TNFAIP8: variants seen among roughly 807,000 people sequenced by gnomAD.
The protein encoded by TNFAIP8 is tumor necrosis factor alpha-induced protein 8.
In TNFAIP8, 7 loss-of-function variants were observed where a neutral mutation model predicts 13.3. That is an observed-to-expected ratio of 0.52 (90% CI 0.30 to 0.99). TNFAIP8 has a LOEUF of 0.99. TNFAIP8 is among the 50% of genes least tolerant of loss of function. The pLI is 0.07. For missense variants in TNFAIP8, 258 were observed against 236.9 expected (o/e 1.09, Z -0.58); for synonymous variants, 94 against 87.6 (o/e 1.07, Z -0.41).
intron 1 of TNFAIP8, among the ~76,000 whole-genome samples, chr5:119,278,382 T>A (rs113602006): frequency 0.33 from 32,912 of 98,880 alleles, 4,379 homozygotes; most frequent in Non-Finnish European, 0.36. Flanking sequence ...AGAGAGTGTG[T>A]GTGTGTGTGT....
chr5:119,335,276 G>C (rs1750517141), intron 1 of TNFAIP8, among the ~76,000 whole-genome samples: 1 of 152,148 alleles, frequency 6.6e-6, no homozygotes, highest in Admixed American at 6.5e-5. Flanking sequence ...CTTTTGCCTA[G>C]GAATTTTAAA....
intron 1 of TNFAIP8, among the ~76,000 whole-genome samples, chr5:119,350,155 T>G (rs1751067232): frequency 6.6e-6 from 1 of 152,192 alleles, no homozygotes; most frequent in Non-Finnish European, 1.5e-5. Context: ...GTGCGTTCCA[T>G]ATTCATGGAT....
At chr5:119,370,631 T>C (rs1752039024) in intron 1 of TNFAIP8, among the ~76,000 whole-genome samples, 1 of 152,228 alleles carries the variant, frequency 6.6e-6, no homozygotes, top group Non-Finnish European at 1.5e-5. Flanking sequence ...CTCCTGGGCT[T>C]GGGCCCAGAG....
intron 1 of TNFAIP8, among the ~76,000 whole-genome samples, chr5:119,325,380 T>C (rs1750190917): frequency 6.6e-6 from 1 of 151,974 alleles, no homozygotes; most frequent in Admixed American, 6.5e-5. Context: ...ATGTCCTATA[T>C]GGTCTACATA....
intron 1 of TNFAIP8, among the ~76,000 whole-genome samples, chr5:119,369,279 C>T: frequency 6.6e-6 from 1 of 152,150 alleles, no homozygotes; most frequent in Non-Finnish European, 1.5e-5. Flanking sequence ...GTCTCGAACT[C>T]ATGACCTCAA....
intron 1 of TNFAIP8, among the ~76,000 whole-genome samples, chr5:119,300,484 A>G (rs530418714): frequency 6.6e-6 from 1 of 152,192 alleles, no homozygotes; most frequent in Non-Finnish European, 1.5e-5. Flanking sequence ...ATTTTTTTGC[A>G]TGTCCTTGCA....
chr5:119,301,259 A>G (rs529482168), intron 1 of TNFAIP8, among the ~76,000 whole-genome samples: 7 of 152,110 alleles, frequency 4.6e-5, no homozygotes, highest in South Asian at 2.1e-4. Flanking sequence ...CCTCCCTTCT[A>G]TTGTTCCCCA....
intron 1 of TNFAIP8, among the ~76,000 whole-genome samples, chr5:119,295,549 G>A (rs1749148993): frequency 6.6e-6 from 1 of 152,120 alleles, no homozygotes; most frequent in Non-Finnish European, 1.5e-5. Flanking sequence ...AGTATAGTTT[G>A]AAGTCAGGTA....
intron 1 of TNFAIP8, among the ~76,000 whole-genome samples, chr5:119,384,212 C>T (rs1213258042): frequency 2.6e-5 from 4 of 152,176 alleles, no homozygotes; most frequent in Non-Finnish European, 4.4e-5. Context: ...TGGCCCGGCA[C>T]GGTGGCTCAC....
Position 119,304,233 on chromosome 5 carries a change from C to T in TNFAIP8, c.1+35326C>T, listed in dbSNP as rs560833323. Among the ~76,000 whole-genome samples the T allele has an allele frequency of 5.3e-5, 8 of 152,212 alleles. No individual in the cohort carries two copies. The South Asian group carries it at 1.7e-3, about 32-fold the overall frequency. The stretch of plus-strand genomic sequence containing the variant: ...ACCTGGCCTCAAGTGATCCTCCTGC[C>T]GCAGCCTCCTGTGTAGCTGGGATTA... On this transcript the variant is annotated intron_variant, in intron 1 of 1. Transcript: ENST00000274456.
At chr5:119,378,081 A>G (rs575691052) in intron 1 of TNFAIP8, among the ~76,000 whole-genome samples, 4 of 152,350 alleles carry the variant, frequency 2.6e-5, no homozygotes, top group African/African-American at 7.2e-5. Flanking sequence ...AGACACACAC[A>G]TGTTGAAGCT....
rs552872714 is a variant in TNFAIP8, at chr5:119,358,630, A to C, written c.31+2509A>C. 2.0e-5 allele frequency among the ~76,000 whole-genome samples: 3 copies of C among 152,350 alleles called. No homozygotes were observed. In the South Asian group the frequency reaches 6.2e-4, roughly 32 times the overall value. ...TTTTTTAAAAAGGTGACTACCATTA[A>C]AAAGAGGATATCAACAGTTTCCAGT... On this transcript the variant is annotated intron_variant, in intron 1 of 1. Coordinates refer to ENST00000504771, the MANE Select transcript of TNFAIP8 (RefSeq NM_014350.4).
intron 1 of TNFAIP8, among the ~76,000 whole-genome samples, chr5:119,365,900 C>G (rs531137381): frequency 6.6e-6 from 1 of 151,936 alleles, no homozygotes; most frequent in Admixed American, 6.6e-5. Context: ...CAAGTAGCAC[C>G]CACTGTAAGG....
chr5:119,268,929 C>G (rs1378977013), intron 1 of TNFAIP8: 1 of 697,934 alleles, frequency 1.4e-6, no homozygotes, highest in South Asian at 1.5e-5. Flanking sequence ...CTGGGCGCGC[C>G]CGTCCCGCGC....
chr5:119,362,096 C>G (rs907507710), intron 1 of TNFAIP8, among the ~76,000 whole-genome samples: 2 of 152,180 alleles, frequency 1.3e-5, no homozygotes, highest in African/African-American at 4.8e-5. Flanking sequence ...GAGGATCAGA[C>G]AGTGGACCCT....
chr5:119,393,866 T>C lies in TNFAIP8; in HGVS notation c.*485T>C, dbSNP rs1394533560. On this transcript the variant is annotated 3_prime_UTR_variant, in exon 2 of 2. Coordinates refer to ENST00000504771, the MANE Select transcript of TNFAIP8 (RefSeq NM_014350.4). Reference sequence around the variant, plus strand: ...ATTTTCATGTCTACAGCTGACTGTTTTGTTAAGATTGAGTCATCGACATTC... The same window carrying C: ...ATTTTCATGTCTACAGCTGACTGTTCTGTTAAGATTGAGTCATCGACATTC... 1.3e-5 allele frequency: 2 copies of C among 156,368 alleles called. No homozygotes were observed. Among genetic ancestry groups the C allele is most frequent in the African/African-American group, 4.8e-5 (2 of 41,470 alleles). The allele number at this position is 156,368 out of a possible 1,614,324, so 9.7% of individuals were successfully genotyped here.
chr5:119,299,718 T>C (rs543727831), intron 1 of TNFAIP8, among the ~76,000 whole-genome samples: 2 of 152,082 alleles, frequency 1.3e-5, no homozygotes, highest in East Asian at 1.9e-4. Flanking sequence ...AGAGGTGGAG[T>C]CTACAGAGGC....
intron 1 of TNFAIP8, among the ~76,000 whole-genome samples, chr5:119,341,264 A>G (rs1394656698): frequency 3.3e-5 from 5 of 152,136 alleles, no homozygotes; most frequent in African/African-American, 1.2e-4. Flanking sequence ...ATATAAGTCA[A>G]TGGTCCCAAA....
At position 119,306,324 on chromosome 5, in the gene TNFAIP8, C is replaced by CT. The variant is rs753326772; in HGVS notation, c.1+37433dup. On this transcript the variant is annotated intron_variant, in intron 1 of 1. Transcript: ENST00000274456. ...CTTTTTTCTTTCTTTCTTTCTTTTTCTTTTTTTTTTTTTTTTCCAAGATGG... is the reference window on the plus strand; with the variant it reads ...CTTTTTTCTTTCTTTCTTTCTTTTTCTTTTTTTTTTTTTTTTTCCAAGATGG... 687 of 104,428 alleles carry CT rather than the reference C, an allele frequency of 6.6e-3. 8 individuals carry two copies. Among genetic ancestry groups the CT allele is most frequent in the South Asian group, 0.044 (168 of 3,780 alleles). The allele number at this position is 104,428 out of a possible 1,614,324, so 6.5% of individuals were successfully genotyped here. A position where few individuals can be genotyped will look rare whatever the true frequency, so the allele number is the denominator to read the frequency against.
Sources: allele counts gnomAD v4.1 joint callset (sites outside exome capture counted in the v4.1 genomes callset), GRCh38; gene constraint gnomAD v4.1.1; transcripts MANE v1.5; gene names NCBI Gene and HGNC (gene_info 2026-07-23, HGNC 2026-07-21).